The following ZNF618 variants were observed in gnomAD, a reference collection of about 807,000 sequenced individuals.
ZNF618 encodes the protein neural precursor cell expressed, developmentally down-regulated 10.
A neutral mutation model predicts 103.0 loss-of-function variants in ZNF618; 34 were observed. The ratio of observed to expected loss-of-function variants is 0.33; its 90% confidence interval spans 0.25 to 0.44. The LOEUF (loss-of-function observed/expected upper bound fraction) is 0.44. Ranked by LOEUF, ZNF618 falls within the 20% of genes least tolerant of loss-of-function variation. ZNF618 has a pLI of 1.00. For synonymous variants in ZNF618, 551 were observed against 542.2 expected (o/e 1.02, Z -0.23); for missense variants, 1,059 against 1,295.4 (o/e 0.82, Z 2.80).
At position 113,987,110 on chromosome 9, in the gene ZNF618, G is replaced by C. The variant is rs118123472; in HGVS notation, c.78-1211G>C. 5.7e-3 allele frequency among the ~76,000 whole-genome samples: 867 copies of C among 152,290 alleles called. 12 individuals are homozygous for C. The highest frequency in any genetic ancestry group is 0.051 in the East Asian group (262 of 5,162). ...CAGTGGAGAGGCTAGCATGGCCAGG[G>C]CAGTGTCTCTGGGCCTGGAACATGA... is the stretch of plus-strand genomic sequence containing the variant. On this transcript the variant is annotated intron_variant, in intron 2 of 14. Transcript: ENST00000374126.
In ZNF618 at chr9:113,996,474, A is replaced by G. The variant is rs1840605821; in HGVS notation, c.338-1785A>G. On this transcript the variant is annotated intron_variant, in intron 3 of 14. Coordinates refer to ENST00000374126, the MANE Select transcript of ZNF618 (RefSeq NM_001318042.2). ...TTGCTACCCCACATTCTTTCTCAGA[A>G]GCCTGCATCCTCTCCTAGGCATCTT... 2.6e-5 allele frequency among the ~76,000 whole-genome samples: 4 copies of G among 152,136 alleles called. No individual in the cohort carries two copies. In the South Asian group the frequency reaches 8.3e-4, roughly 32 times the overall value.
chr9:114,030,409 C>T (rs954751044), intron 11 of ZNF618, among the ~76,000 whole-genome samples: 4 of 152,258 alleles, frequency 2.6e-5, no homozygotes, highest in East Asian at 1.9e-4. Flanking sequence ...ATCATGGAAT[C>T]GTGGCTTTCA....
chr9:113,928,638 GT>G (rs1423558552), intron 1 of ZNF618, among the ~76,000 whole-genome samples: 1 of 152,040 alleles, frequency 6.6e-6, no homozygotes, highest in Non-Finnish European at 1.5e-5. Flanking sequence ...TCTTTTCTTT[GT>G]TTTTTGTTTT....
intron 1 of ZNF618, among the ~76,000 whole-genome samples, chr9:113,887,159 C>T (rs1006788860): frequency 2.6e-5 from 4 of 151,890 alleles, no homozygotes; most frequent in Non-Finnish European, 4.4e-5. Flanking sequence ...ACACCGTCAT[C>T]AGATACCTAG....
At chr9:113,949,199 T>C (rs1297755318) in intron 1 of ZNF618, among the ~76,000 whole-genome samples, 1 of 152,238 alleles carries the variant, frequency 6.6e-6, no homozygotes, top group Non-Finnish European at 1.5e-5. Flanking sequence ...ATCTTCCACA[T>C]GGAGGTGGCT....
chr9:113,930,519 T>G (rs1390719273), intron 1 of ZNF618, among the ~76,000 whole-genome samples: 1 of 152,210 alleles, frequency 6.6e-6, no homozygotes, highest in Non-Finnish European at 1.5e-5. Context: ...TATTGCCATT[T>G]TAGGCAAACA....
intron 13 of ZNF618, 74 bp from the exon 14 acceptor site, chr9:114,047,819 C>T (rs1845790895): frequency 1.5e-6 from 2 of 1,323,634 alleles, no homozygotes; most frequent in Non-Finnish European, 2.1e-6. Context: ...ACCCACCACA[C>T]TCTAGTTCTC....
intron 11 of ZNF618, among the ~76,000 whole-genome samples, chr9:114,029,661 T>C (rs1177905323): frequency 6.6e-6 from 1 of 152,124 alleles, no homozygotes; most frequent in Non-Finnish European, 1.5e-5. Context: ...TCAACAAGGA[T>C]CTGCTCTGAA....
intron 1 of ZNF618, among the ~76,000 whole-genome samples, chr9:113,959,693 C>A (rs150249522): frequency 6.6e-6 from 1 of 152,152 alleles, no homozygotes; most frequent in African/African-American, 2.4e-5. Context: ...CTGCAACCTC[C>A]GCCTCCCAAG....
intron 1 of ZNF618, among the ~76,000 whole-genome samples, chr9:113,913,239 A>G (rs1320068746): frequency 6.6e-6 from 1 of 152,290 alleles, no homozygotes; most frequent in East Asian, 1.9e-4. Context: ...CCCCTTTTAC[A>G]GATGAGGATA....
chr9:113,878,445 T>C (rs1293078802), intron 1 of ZNF618, among the ~76,000 whole-genome samples: 2 of 152,120 alleles, frequency 1.3e-5, no homozygotes, highest in Non-Finnish European at 2.9e-5. Flanking sequence ...ATATTTCATG[T>C]GGAGGTTTTG....
chr9:113,928,495 C>G (rs1321574153), intron 1 of ZNF618, among the ~76,000 whole-genome samples: 2 of 152,120 alleles, frequency 1.3e-5, no homozygotes, highest in Admixed American at 1.3e-4. Flanking sequence ...TTGTTGAAAG[C>G]CAGACCTGAC....
At chr9:113,944,220 T>G (rs1178541227) in intron 1 of ZNF618, among the ~76,000 whole-genome samples, 2 of 152,230 alleles carry the variant, frequency 1.3e-5, no homozygotes, top group South Asian at 2.1e-4. Flanking sequence ...TCTGCCACAC[T>G]AGTCAATGAA....
At chr9:113,902,638 C>T (rs939486979) in intron 1 of ZNF618, among the ~76,000 whole-genome samples, 1 of 152,234 alleles carries the variant, frequency 6.6e-6, no homozygotes, top group African/African-American at 2.4e-5. Flanking sequence ...TTTTGTGCCT[C>T]TGCTCTGTTT....
At chr9:114,036,193 A>G in intron 12 of ZNF618, 107 bp from the exon 13 acceptor site, 1 of 1,002,356 alleles carries the variant, frequency 1.0e-6, no homozygotes, top group Admixed American at 2.1e-5. Context: ...CTGAGCACAG[A>G]GACCCGGTGT....
chr9:114,010,681 T>C (rs948524376), intron 9 of ZNF618, among the ~76,000 whole-genome samples: 1 of 152,188 alleles, frequency 6.6e-6, no homozygotes, highest in Non-Finnish European at 1.5e-5. Flanking sequence ...TCCAGCCTGG[T>C]GACAGAGCAA....
intron 2 of ZNF618, among the ~76,000 whole-genome samples, chr9:113,969,789 C>G (rs1363510184): frequency 6.6e-6 from 1 of 152,224 alleles, no homozygotes; most frequent in East Asian, 1.9e-4. Context: ...GCTGCCGCTG[C>G]TGTTGCTGCT....
At chr9:113,937,468 T>G (rs974061065) in intron 1 of ZNF618, among the ~76,000 whole-genome samples, 5 of 152,236 alleles carry the variant, frequency 3.3e-5, no homozygotes, top group Admixed American at 6.5e-5. Context: ...CACTGTATAT[T>G]CCTATGTTTT....
intron 12 of ZNF618, among the ~76,000 whole-genome samples, chr9:114,036,037 T>A (rs574808569): frequency 1.3e-5 from 2 of 152,208 alleles, no homozygotes; most frequent in Non-Finnish European, 2.9e-5. Context: ...GAACAGTGGC[T>A]GGCACGCAGT....
Sources: allele counts gnomAD v4.1 joint callset (sites outside exome capture counted in the v4.1 genomes callset), GRCh38; gene constraint gnomAD v4.1.1; transcripts MANE v1.5; gene names NCBI Gene and HGNC (gene_info 2026-07-23, HGNC 2026-07-21).